The following PICALM variants were observed in gnomAD, a reference collection of about 807,000 sequenced individuals.
The protein encoded by PICALM is phosphatidylinositol-binding clathrin assembly protein.
Under a neutral mutation model 80.5 loss-of-function variants are expected in PICALM, and 40 were observed. The observed-to-expected ratio is 0.50, with a 90% CI of 0.39 to 0.65. PICALM has a LOEUF of 0.65. PICALM is among the 30% of genes least tolerant of loss of function. The pLI is 0.00. For missense variants in PICALM, 676 were observed against 778.9 expected (o/e 0.87, Z 1.57); for synonymous variants, 288 against 260.3 (o/e 1.11, Z -1.02).
chr11:86,009,768 G>A (rs1050824988), intron 7 of PICALM, among the ~76,000 whole-genome samples: 1 of 151,868 alleles, frequency 6.6e-6, no homozygotes, highest in African/African-American at 2.4e-5. Context: ...GGCCAAGAGG[G>A]AAGGTCAACA....
intron 1 of PICALM, among the ~76,000 whole-genome samples, chr11:86,043,937 T>C (rs996106897): frequency 6.6e-6 from 1 of 152,180 alleles, no homozygotes; most frequent in African/African-American, 2.4e-5. Flanking sequence ...CCGTTCCATG[T>C]CCCCAATGCA....
upstream of PICALM, chr11:86,069,250 T>C (rs1181711852): frequency 2.8e-5 from 5 of 176,456 alleles, no homozygotes; most frequent in South Asian, 1.7e-4. Context: ...CGTTACGTGA[T>C]GGAACTCGCC....
At chr11:86,063,704 T>A (rs1363699907) in intron 1 of PICALM, among the ~76,000 whole-genome samples, 3 of 152,200 alleles carry the variant, frequency 2.0e-5, no homozygotes, top group Non-Finnish European at 4.4e-5. Context: ...TCTTACTCAT[T>A]ACTACCACTT....
intron 11 of PICALM, 82 bp downstream of exon 11, chr11:86,000,561 T>C: frequency 9.1e-7 from 1 of 1,103,180 alleles, no homozygotes; most frequent in South Asian, 1.6e-5. Context: ...TAAATAAAAG[T>C]AAACCTGAAA....
chr11:86,065,839 A>G (rs2096440422), intron 1 of PICALM, among the ~76,000 whole-genome samples: 1 of 152,248 alleles, frequency 6.6e-6, no homozygotes, highest in Non-Finnish European at 1.5e-5. Flanking sequence ...GCCATAATTC[A>G]TGAATTATTA....
At chr11:86,035,192 TAC>T (rs1565493101) in intron 1 of PICALM, among the ~76,000 whole-genome samples, 2 of 152,108 alleles carry the variant, frequency 1.3e-5, no homozygotes, top group African/African-American at 2.4e-5. Flanking sequence ...TCATTAATCT[TAC>T]AGTCATATTC....
chr11:85,976,724 A>T, intron 17 of PICALM, 42 bp from the exon 18 acceptor site: 1 of 1,187,714 alleles, frequency 8.4e-7, no homozygotes, highest in South Asian at 1.2e-5. Flanking sequence ...AGTATAACTC[A>T]TGTGTGTCAA....
chr11:85,983,708 C>T (rs891199519), intron 14 of PICALM, among the ~76,000 whole-genome samples, 158 bp downstream of exon 14: 3 of 152,148 alleles, frequency 2.0e-5, no homozygotes, highest in African/African-American at 4.8e-5. Flanking sequence ...GACTAAACAG[C>T]TCCTTGAAGT....
chr11:86,001,082 T>C lies in PICALM; in HGVS notation c.970A>G (p.Lys324Glu), dbSNP rs1235351633. Residue 324 changes from lysine to glutamate, a missense_variant, in exon 10 of 20, where the codon AAG (lysine) becomes GAG (glutamate). Transcript: ENST00000393346. Reference sequence around the variant, plus strand: ...TGTTCTTCCTCTAATGCTGCCTGCTTTTCCCTTTCATCCACTTTGGTCAGA... The same window carrying C: ...TGTTCTTCCTCTAATGCTGCCTGCTCTTCCCTTTCATCCACTTTGGTCAGA... ...LSLTKVDERE[K>E]QAALEEEQAR... 1 of 1,614,180 alleles carries C rather than the reference T, an allele frequency of 6.2e-7. No individual in the cohort carries two copies. Among genetic ancestry groups the C allele is most frequent in the Non-Finnish European group, 8.5e-7 (1 of 1,179,992 alleles).
Position 85,958,937 on chromosome 11 carries a change from A to T in PICALM, c.*109T>A. On this transcript the variant is annotated 3_prime_UTR_variant, in exon 20 of 20. Transcript: ENST00000393346. ...GTTACTTGTAGCATTCTAATGGAAG[A>T]AGAGAGTTTAAGAGATTTAAGAGAC... is the stretch of plus-strand genomic sequence containing the variant. 1.4e-6 allele frequency: 1 copy of T among 728,174 alleles called. No individual in the cohort carries two copies. The highest frequency in any genetic ancestry group is 2.3e-6 in the Non-Finnish European group (1 of 430,058). 45.1% of individuals were successfully genotyped at this position (728,174 alleles called of 1,614,324 possible).
chr11:85,961,290 C>T (rs1477208334), intron 19 of PICALM, among the ~76,000 whole-genome samples: 1 of 152,226 alleles, frequency 6.6e-6, no homozygotes, highest in Non-Finnish European at 1.5e-5. Flanking sequence ...ACACTTTTTA[C>T]ACGAAGTTGT....
Position 85,957,925 on chromosome 11 carries a change from G to C in PICALM, c.*1121C>G. 1 of 223,594 alleles carries C rather than the reference G, an allele frequency of 4.5e-6. No individual in the cohort carries two copies. Among genetic ancestry groups the C allele is most frequent in the Non-Finnish European group, 8.9e-6 (1 of 111,866 alleles). 13.9% of individuals were successfully genotyped at this position (223,594 alleles called of 1,614,324 possible). ...TAATTCTTCGTTTACTAAACTCTTG[G>C]CTAGACATTAACTTTAAAGATACTA... On this transcript the variant is annotated 3_prime_UTR_variant, in exon 20 of 20. Coordinates refer to ENST00000393346, the MANE Select transcript of PICALM (RefSeq NM_007166.4).
chr11:85,963,665 C>T (rs2093769329), intron 19 of PICALM, among the ~76,000 whole-genome samples: 1 of 152,174 alleles, frequency 6.6e-6, no homozygotes, highest in Non-Finnish European at 1.5e-5. Flanking sequence ...TCCTCCACTA[C>T]TCTAATCAAT....
At chr11:85,982,273 T>C (rs1447217282) in intron 14 of PICALM, 2 of 294,082 alleles carry the variant, frequency 6.8e-6, no homozygotes, top group East Asian at 6.0e-5. Context: ...AGAAGTATTA[T>C]AAAAGAGAAA....
intron 8 of PICALM, among the ~76,000 whole-genome samples, chr11:86,004,066 T>C (rs1357356190): frequency 6.6e-6 from 1 of 152,220 alleles, no homozygotes; most frequent in African/African-American, 2.4e-5. Context: ...CCTACCTTAA[T>C]GACCCAATTC....
In PICALM at chr11:86,066,677, T is replaced by G. The variant is rs548103485; in HGVS notation, c.130+1974A>C. ...AAAAAACTTTTAAAAGCCTTATCGA[T>G]TCTTATTTTGAATGAGGAAAGAGGA... On this transcript the variant is annotated intron_variant, in intron 1 of 19. Transcript: ENST00000393346. 5.3e-5 allele frequency among the ~76,000 whole-genome samples: 8 copies of G among 151,890 alleles called. No homozygotes were observed. The East Asian group carries it at 1.5e-3, about 29-fold the overall frequency.
intron 2 of PICALM, among the ~76,000 whole-genome samples, chr11:86,028,727 C>T (rs2095694239): frequency 6.6e-6 from 1 of 152,110 alleles, no homozygotes. Flanking sequence ...CTCAGCCTTA[C>T]CTTTTGAGAT....
intron 17 of PICALM, chr11:85,978,179 A>AT (rs1246424451): frequency 3.5e-6 from 4 of 1,127,704 alleles, no homozygotes; most frequent in Non-Finnish European, 5.4e-6. Flanking sequence ...CACAGAGAGC[A>AT]TTTTAGTTCA....
At chr11:85,998,901 G>A (rs2136063497) in intron 11 of PICALM, among the ~76,000 whole-genome samples, 1 of 152,280 alleles carries the variant, frequency 6.6e-6, no homozygotes, top group South Asian at 2.1e-4. Context: ...TGGGACAACA[G>A]GCACACGCCA....
Sources: allele counts gnomAD v4.1 joint callset (sites outside exome capture counted in the v4.1 genomes callset), GRCh38; gene constraint gnomAD v4.1.1; transcripts MANE v1.5; gene names NCBI Gene and HGNC (gene_info 2026-07-23, HGNC 2026-07-21).